The following MMP16 variants were observed in gnomAD, a reference collection of about 807,000 sequenced individuals.
MMP16 encodes matrix metallopeptidase 16.
A neutral mutation model predicts 67.8 loss-of-function variants in MMP16; 12 were observed. The observed-to-expected ratio is 0.18, with a 90% CI of 0.11 to 0.29. MMP16 has a LOEUF of 0.29. MMP16 is among the 10% of genes least tolerant of loss of function. The pLI, the probability that MMP16 is intolerant of heterozygous loss-of-function variation, is 1.00. For missense variants in MMP16, 475 were observed against 765.7 expected, an observed-to-expected ratio of 0.62 and a Z score of 4.48; for synonymous variants, 249 against 255.9, an observed-to-expected ratio of 0.97 and a Z score of 0.26.
intron 1 of MMP16, among the ~76,000 whole-genome samples, chr8:88,305,614 G>A (rs1811199967): frequency 6.6e-6 from 1 of 152,156 alleles, no homozygotes; most frequent in Admixed American, 6.5e-5. Flanking sequence ...AATCAAATTA[G>A]AACTCAAGAT....
At chr8:88,096,495 T>C (rs552982946) in intron 6 of MMP16, among the ~76,000 whole-genome samples, 42 of 150,052 alleles carry the variant, frequency 2.8e-4, no homozygotes, top group Middle Eastern at 6.8e-3. Flanking sequence ...GCTTCTAAAA[T>C]TCTTCAAAGG....
chr8:88,114,067 T>C (rs998890539), intron 6 of MMP16, among the ~76,000 whole-genome samples: 6 of 151,934 alleles, frequency 3.9e-5, no homozygotes, highest in Non-Finnish European at 7.4e-5. Flanking sequence ...AAAAAACTTT[T>C]CTGACTTTCA....
intron 6 of MMP16, among the ~76,000 whole-genome samples, chr8:88,076,587 T>C (rs1177629511): frequency 6.6e-6 from 1 of 152,092 alleles, no homozygotes; most frequent in Admixed American, 6.6e-5. Context: ...CAATTTCATA[T>C]AAAGATTGAT....
chr8:88,171,781 C>A (rs950892524), intron 3 of MMP16, among the ~76,000 whole-genome samples: 22 of 151,702 alleles, frequency 1.5e-4, no homozygotes, highest in African/African-American at 4.6e-4. Flanking sequence ...AGAAAAAATA[C>A]TTATTGCTCT....
Position 88,046,742 on chromosome 8 carries a change from G to T in MMP16, c.1416C>A (p.Gly472=). The T allele has an allele frequency of 6.2e-7, 1 of 1,611,000 alleles. No individual in the cohort carries two copies. The change falls in exon 9 of 10, where the codon GGC becomes GGA. Residue 472 remains glycine (G), a synonymous_variant. Transcript: ENST00000286614. ...TCCAGACTGTGATTGGCTTGGGATA[G>T]CCAGGGTCCATTGTTTTCATTTCTT... The part of the protein sequence containing the change: ...YSEEMKTMDP[G]YPKPITVWKG...
chr8:88,249,121 G>A (rs1282965529), intron 1 of MMP16, among the ~76,000 whole-genome samples: 2 of 151,888 alleles, frequency 1.3e-5, no homozygotes, highest in African/African-American at 4.8e-5. Context: ...CACTGAGCTG[G>A]AAAGGCAGAC....
At chr8:88,275,956 C>T (rs1295039314) in intron 1 of MMP16, among the ~76,000 whole-genome samples, 1 of 151,980 alleles carries the variant, frequency 6.6e-6, no homozygotes, top group Non-Finnish European at 1.5e-5. Flanking sequence ...CACTCCTAGT[C>T]CCTTGCAAAT....
chr8:88,088,937 TAA>T (rs1808888792), intron 6 of MMP16, among the ~76,000 whole-genome samples: 2 of 152,010 alleles, frequency 1.3e-5, no homozygotes. Context: ...AAAATAAAAA[TAA>T]GTCAGTAAGT....
chr8:88,220,444 T>C (rs549380388), intron 1 of MMP16, among the ~76,000 whole-genome samples: 33 of 152,240 alleles, frequency 2.2e-4, no homozygotes, highest in Middle Eastern at 6.8e-3. Flanking sequence ...ATCTCCACAG[T>C]ATCACTGACC....
At chr8:88,172,540 T>C (rs188785072) in intron 3 of MMP16, among the ~76,000 whole-genome samples, 131 of 152,314 alleles carry the variant, frequency 8.6e-4, no homozygotes, top group African/African-American at 3.0e-3. Flanking sequence ...AGATTGCTAC[T>C]AACAATTCTA....
chr8:88,310,270 G>A (rs1431287846), intron 1 of MMP16, among the ~76,000 whole-genome samples: 11 of 152,168 alleles, frequency 7.2e-5, no homozygotes, highest in South Asian at 2.1e-4. Context: ...GATAGAAAGC[G>A]CTATTTATAC....
intron 1 of MMP16, among the ~76,000 whole-genome samples, chr8:88,242,676 G>C (rs1383836994): frequency 1.3e-5 from 2 of 152,100 alleles, no homozygotes; most frequent in East Asian, 3.9e-4. Flanking sequence ...CTGATGGTTT[G>C]AGTACATTTT....
rs59310737 is a variant in MMP16 at position 88,184,563 on chromosome 8, G to GAAAAAAAAAAAAAAA, written c.404+1898_404+1912dup. 5.5e-4 allele frequency among the ~76,000 whole-genome samples: 6 copies of GAAAAAAAAAAAAAAA among 10,936 alleles called. 2 individuals carry two copies. Among genetic ancestry groups the GAAAAAAAAAAAAAAA allele is most frequent in the Admixed American group, 4.4e-3 (2 of 456 alleles). 7.2% of individuals were successfully genotyped at this position (10,936 alleles called of 152,430 possible). A position where few individuals can be genotyped will look rare whatever the true frequency, so the allele number is the denominator to read the frequency against. On this transcript the variant is annotated intron_variant, in intron 3 of 9. Transcript: ENST00000286614. Reference sequence around the variant, plus strand: ...GGGCAAATGGTAAAACTCTCTCTCTGAAAAAAAAAAAAAAAAAAAAAAAAA... The same window carrying GAAAAAAAAAAAAAAA: ...GGGCAAATGGTAAAACTCTCTCTCTGAAAAAAAAAAAAAAAAAAAAAAAAAAAAAAAAAAAAAAAA...
At chr8:88,289,730 A>ACC (rs201065193) in intron 1 of MMP16, among the ~76,000 whole-genome samples, 1 of 112,774 alleles carries the variant, frequency 8.9e-6, no homozygotes, top group Admixed American at 9.2e-5. Flanking sequence ...ACACACACAC[A>ACC]CCCCACTCAT....
intron 1 of MMP16, among the ~76,000 whole-genome samples, chr8:88,210,780 C>A (rs1217288630): frequency 1.3e-5 from 2 of 152,056 alleles, no homozygotes; most frequent in East Asian, 1.9e-4. Flanking sequence ...CATCCCCATA[C>A]CCAGAGATAA....
chr8:88,229,110 A>C (rs1173346777), intron 1 of MMP16, among the ~76,000 whole-genome samples: 1 of 152,058 alleles, frequency 6.6e-6, no homozygotes, highest in Non-Finnish European at 1.5e-5. Context: ...GCAGTGAAAC[A>C]AACTATATGG....
intron 1 of MMP16, among the ~76,000 whole-genome samples, chr8:88,324,725 A>G (rs1811511513): frequency 6.6e-6 from 1 of 152,156 alleles, no homozygotes; most frequent in African/African-American, 2.4e-5. Context: ...GAAGTGATGG[A>G]CCATTCTTCC....
chr8:88,135,249 G>C (rs868471774), intron 4 of MMP16, among the ~76,000 whole-genome samples: 4 of 151,784 alleles, frequency 2.6e-5, no homozygotes, highest in South Asian at 4.1e-4. Flanking sequence ...AAGGGAGACT[G>C]ATAAACTCAA....
intron 6 of MMP16, among the ~76,000 whole-genome samples, chr8:88,097,492 G>A (rs921287738): frequency 6.6e-6 from 1 of 151,376 alleles, no homozygotes; most frequent in African/African-American, 2.4e-5. Context: ...CGAGTGTCAG[G>A]GTATATGCCT....
Sources: gnomAD v4.1 joint callset for allele counts (sites outside exome capture counted in the v4.1 genomes callset) on GRCh38, gnomAD v4.1.1 for gene constraint, MANE v1.5 for transcripts, NCBI Gene and HGNC (gene_info 2026-07-23, HGNC 2026-07-21) for gene names.